SPAG1: variants seen among roughly 807,000 people sequenced by gnomAD.
The protein encoded by SPAG1 is sperm-associated antigen 1.
Under a neutral mutation model 100.5 loss-of-function variants are expected in SPAG1, and 69 were observed. The ratio of observed to expected loss-of-function variants is 0.69; its 90% CI spans 0.57 to 0.84. The LOEUF (loss-of-function observed/expected upper bound fraction) is 0.84. SPAG1 is among the 40% of genes least tolerant of loss of function. The pLI is 0.00. For missense variants in SPAG1, 955 were observed against 1,133.1 expected (o/e 0.84, Z 2.26); for synonymous variants, 336 against 411.6 (o/e 0.82, Z 2.22).
At chr8:100,194,733 G>T (rs188814662) in intron 10 of SPAG1, 1 of 232,574 alleles carries the variant, frequency 4.3e-6, no homozygotes, top group East Asian at 8.6e-5. Context: ...AAAGAAATAA[G>T]TATAATTTAA....
chr8:100,186,428 T>A lies in SPAG1; in HGVS notation c.702-692T>A, dbSNP rs530806482. Among the ~76,000 whole-genome samples, 4 of 152,278 alleles carry A rather than the reference T, an allele frequency of 2.6e-5. 1 individual carries two copies. The highest frequency in any genetic ancestry group is 9.6e-5 in the African/African-American group (4 of 41,562). On this transcript the variant is annotated intron_variant, in intron 7 of 18. Coordinates refer to ENST00000388798, the MANE Select transcript of SPAG1 (RefSeq NM_003114.5). ...GTTAACTTACATCAACGGTTTTTTT[T>A]AAAGTGATCTATAGGTATTTATCTT...
At chr8:100,160,146 T>G (rs1222431910) in intron 1 of SPAG1, among the ~76,000 whole-genome samples, 1 of 152,244 alleles carries the variant, frequency 6.6e-6, no homozygotes, top group African/African-American at 2.4e-5. Context: ...TTAGCAGCAG[T>G]ATCTTTAAAG....
intron 4 of SPAG1, 140 bp downstream of exon 4, chr8:100,178,081 A>G: frequency 1.7e-6 from 1 of 583,120 alleles, no homozygotes; most frequent in African/African-American, 1.8e-5. Context: ...CTGGCTGGGA[A>G]CTATCGGCTG....
intron 3 of SPAG1, among the ~76,000 whole-genome samples, chr8:100,175,284 CTTTT>C (rs1329134913): frequency 7.9e-6 from 1 of 126,410 alleles, no homozygotes. Flanking sequence ...CAGTGAAGTT[CTTTT>C]TTTTTTTTTT....
rs987049223 is a variant in SPAG1 at position 100,220,686 on chromosome 8, A to AT, written c.1688+264dup. On this transcript the variant is annotated intron_variant, in intron 13 of 18. Coordinates refer to ENST00000388798, the MANE Select transcript of SPAG1 (RefSeq NM_003114.5). ...ATCCATTTATTACTGTTCAATCAGT[A>AT]TTTTTTTTTGGTCTTAGTAACACAG... 8.1e-3 allele frequency among the ~76,000 whole-genome samples: 1,230 copies of AT among 151,224 alleles called. 7 individuals carry two copies. The highest frequency in any genetic ancestry group is 0.027 in the African/African-American group (1,121 of 41,280).
Position 100,184,697 on chromosome 8 carries a change from C to T in SPAG1, c.665C>T (p.Ser222Leu), listed in dbSNP as rs1370532583. ...GAGAAAGGAAATGAAGCTTTCAACT[C>T]AGGAGATTATGAAGAAGCAGTGATG... ...EKEKGNEAFN[S>L]GDYEEAVMYY... The change falls in exon 7 of 19, where the codon TCA (serine) becomes TTA (leucine). Residue 222 changes from serine to leucine, a missense_variant. Ser to Leu is a moderately radical substitution (Grantham distance 145, BLOSUM62 -2). Coordinates refer to ENST00000388798, the MANE Select transcript of SPAG1 (RefSeq NM_003114.5). 1 of 1,586,796 alleles carries T rather than the reference C, an allele frequency of 6.3e-7. No individual in the cohort carries two copies. Among genetic ancestry groups the T allele is most frequent in the Non-Finnish European group, 8.5e-7 (1 of 1,171,188 alleles).
rs950932390 is a variant in SPAG1 at position 100,229,411 on chromosome 8, G to A, written c.1856-1745G>A. 2.0e-5 allele frequency among the ~76,000 whole-genome samples: 3 copies of A among 152,112 alleles called. No homozygotes were observed. In the East Asian group the frequency reaches 5.8e-4, roughly 29 times the overall value. The stretch of plus-strand genomic sequence containing the variant: ...CGCACTCCAGCCCGGGCGACAGAGC[G>A]AGACTCCGTCTCAAAAAACAAAACA... On this transcript the variant is annotated intron_variant, in intron 14 of 18. Coordinates refer to ENST00000388798, the MANE Select transcript of SPAG1 (RefSeq NM_003114.5).
chr8:100,173,182 G>GATT (rs1815957799), intron 3 of SPAG1, among the ~76,000 whole-genome samples: 1 of 151,670 alleles, frequency 6.6e-6, no homozygotes, highest in Non-Finnish European at 1.5e-5. Context: ...GGGATTACAG[G>GATT]CATTCACCAC....
In SPAG1 at chr8:100,239,422, T is replaced by C. The variant is rs754950946; in HGVS notation, c.2280+18T>C. 4.0e-6 allele frequency: 6 copies of C among 1,490,966 alleles called. No homozygotes were observed. The highest frequency in any genetic ancestry group is 1.4e-5 in the African/African-American group (1 of 72,306). 92.4% of individuals were successfully genotyped at this position (1,490,966 alleles called of 1,614,324 possible). On this transcript the variant is annotated intron_variant, in intron 17 of 18. Transcript: ENST00000388798. The surrounding 1 kb of genome is among the most constrained non-coding windows in gnomAD (Gnocchi z 5.0). The stretch of plus-strand genomic sequence containing the variant: ...TTCAAGAGGTATTTGTATTTGATTA[T>C]CTTTGAAAGTACTCCTTTGGGGACC...
chr8:100,191,536 G>A lies in SPAG1; in HGVS notation c.939+40G>A, dbSNP rs766298268. 26 of 1,334,410 alleles carry A rather than the reference G, an allele frequency of 1.9e-5. No homozygotes were observed. In the East Asian group the frequency reaches 6.0e-4, roughly 31 times the overall value. The allele number at this position is 1,334,410 out of a possible 1,614,324, so 82.7% of individuals were successfully genotyped here. ...TGATTTCTCACCTAATTCTGTAGTT[G>A]GCTGTTTCTGTATTTATTTTAAAGT... On this transcript the variant is annotated intron_variant, in intron 9 of 18. Transcript: ENST00000388798.
intron 3 of SPAG1, among the ~76,000 whole-genome samples, chr8:100,176,775 C>T (rs1175783624): frequency 1.3e-5 from 2 of 151,678 alleles, no homozygotes; most frequent in South Asian, 2.1e-4. Flanking sequence ...GATGGTGTAG[C>T]CGCAGTGATG....
In SPAG1 at chr8:100,184,002, G is replaced by C; in HGVS notation, c.535G>C (p.Glu179Gln). The change falls in exon 6 of 19, where the codon GAA becomes CAA. Residue 179 changes from glutamate (E) to glutamine (Q), a missense_variant. Physicochemically the swap from Glu to Gln is conservative, Grantham distance 29. Coordinates refer to ENST00000388798, the MANE Select transcript of SPAG1 (RefSeq NM_003114.5). ...TTTAAAAATTGATGAAGATTACAAAGAAAAGACGGTAATAGACAAGTCACA... is the reference window on the plus strand; with the variant it reads ...TTTAAAAATTGATGAAGATTACAAACAAAAGACGGTAATAGACAAGTCACA... Reference protein sequence around the residue: ...ECLKIDEDYKEKTVIDKSHLS... With the variant: ...ECLKIDEDYKQKTVIDKSHLS... 6.5e-7 allele frequency: 1 copy of C among 1,548,432 alleles called. No individual in the cohort carries two copies. Among genetic ancestry groups the C allele is most frequent in the Non-Finnish European group, 8.7e-7 (1 of 1,151,878 alleles).
intron 3 of SPAG1, among the ~76,000 whole-genome samples, chr8:100,176,906 T>A (rs1816154665): frequency 8.4e-6 from 1 of 119,646 alleles, no homozygotes; most frequent in African/African-American, 3.2e-5. Context: ...CCCCTCCCTC[T>A]CTCCTTTTCC....
At chr8:100,163,208 G>C (rs1254085735) in intron 2 of SPAG1, among the ~76,000 whole-genome samples, 1 of 152,040 alleles carries the variant, frequency 6.6e-6, no homozygotes, top group Non-Finnish European at 1.5e-5. Flanking sequence ...AAATGTGGTT[G>C]TTAAAAATGC....
chr8:100,169,001 T>C (rs896391523), intron 3 of SPAG1, among the ~76,000 whole-genome samples: 8 of 152,048 alleles, frequency 5.3e-5, no homozygotes, highest in African/African-American at 1.9e-4. Flanking sequence ...TTCATTTTTT[T>C]TTAACAGTAT....
intron 14 of SPAG1, among the ~76,000 whole-genome samples, chr8:100,230,021 T>C (rs1449299559): frequency 6.6e-6 from 1 of 152,180 alleles, no homozygotes; most frequent in Non-Finnish European, 1.5e-5. Flanking sequence ...AGAAAAAGAT[T>C]TATTTTACAA....
At chr8:100,167,453 T>C (rs1176766986) in intron 3 of SPAG1, among the ~76,000 whole-genome samples, 1 of 152,232 alleles carries the variant, frequency 6.6e-6, no homozygotes, top group Non-Finnish European at 1.5e-5. Context: ...AGCATACTGT[T>C]GTAAGAGTTA....
At chr8:100,185,395 CA>C (rs1554651940) in intron 7 of SPAG1, among the ~76,000 whole-genome samples, 1 of 152,162 alleles carries the variant, frequency 6.6e-6, no homozygotes, top group Non-Finnish European at 1.5e-5. Flanking sequence ...TCACCCCACC[CA>C]CCTCACCTCC....
intron 2 of SPAG1, among the ~76,000 whole-genome samples, chr8:100,162,750 G>T (rs1815368193): frequency 6.6e-6 from 1 of 152,204 alleles, no homozygotes; most frequent in Non-Finnish European, 1.5e-5. Flanking sequence ...GGCTGAAGCA[G>T]GTGGATCATT....
Sources: gnomAD v4.1 joint callset for allele counts (sites outside exome capture counted in the v4.1 genomes callset) on GRCh38, gnomAD v4.1.1 for gene constraint, Gnocchi (gnomAD v3.1) non-coding constraint, MANE v1.5 for transcripts, NCBI Gene and HGNC (gene_info 2026-07-23, HGNC 2026-07-21) for gene names.